The following RNF17 variants were observed in gnomAD, a reference collection of about 807,000 sequenced individuals.
RNF17 encodes ring finger protein 17.
In RNF17, 31 loss-of-function variants were observed where a neutral mutation model predicts 200.5. That is an observed-to-expected ratio of 0.15 (90% CI 0.12 to 0.21). RNF17 has a LOEUF of 0.21. Ranked by LOEUF, RNF17 falls within the 10% of genes least tolerant of loss-of-function variation. The pLI, the probability that RNF17 is intolerant of heterozygous loss-of-function variation, is 1.00. For missense variants in RNF17, 1,628 were observed against 1,905.1 expected, an observed-to-expected ratio of 0.85 and a Z score of 2.71; for synonymous variants, 606 against 637.8, an observed-to-expected ratio of 0.95 and a Z score of 0.75.
chr13:24,763,310 C>G (rs1433084357), upstream of RNF17, among the ~76,000 whole-genome samples: 3 of 150,970 alleles, frequency 2.0e-5, no homozygotes, highest in African/African-American at 7.3e-5. Flanking sequence ...TCACGCCATT[C>G]TCCTGCCTCA....
the RNF17 span, among the ~76,000 whole-genome samples, chr13:24,758,699 T>G: frequency 0.021 from 3,232 of 152,246 alleles, 130 homozygotes; most frequent in African/African-American, 0.073. Flanking sequence ...AAAAGGTTGA[T>G]TTTTGGAGCA....
At chr13:24,839,086 AT>A (rs201614692) in intron 18 of RNF17, among the ~76,000 whole-genome samples, 9 of 152,070 alleles carry the variant, frequency 5.9e-5, no homozygotes, top group Admixed American at 1.3e-4. Flanking sequence ...CTGCAAAAAA[AT>A]AAAATACTTA....
intron 2 of RNF17, among the ~76,000 whole-genome samples, chr13:24,772,393 G>C (rs1169207471): frequency 6.9e-6 from 1 of 145,396 alleles, no homozygotes; most frequent in Non-Finnish European, 1.5e-5. Flanking sequence ...AGGACATTCA[G>C]TCTTTCTCTC....
chr13:24,766,949 C>T (rs1196462830), intron 1 of RNF17, among the ~76,000 whole-genome samples: 2 of 152,214 alleles, frequency 1.3e-5, no homozygotes, highest in Non-Finnish European at 2.9e-5. Flanking sequence ...ATAAGTCAAC[C>T]ATTTCAAACT....
chr13:24,850,459 A>G lies in RNF17; in HGVS notation c.3204+16A>G, dbSNP rs766857500. ...GGATAGTGAGGTAACAAGTTACAAG[A>G]GATATGTGCTGATGATCTCATTAAT... On this transcript the variant is annotated intron_variant, in intron 23 of 35. Coordinates refer to ENST00000255324, the MANE Select transcript of RNF17 (RefSeq NM_031277.3). The G allele has an allele frequency of 7.5e-6, 11 of 1,459,026 alleles. No homozygotes were observed. The highest frequency in any genetic ancestry group is 1.2e-5 in the South Asian group (1 of 86,480). The allele number at this position is 1,459,026 out of a possible 1,614,324, so 90.4% of individuals were successfully genotyped here.
intron 26 of RNF17, among the ~76,000 whole-genome samples, chr13:24,860,759 G>A (rs1013911995): frequency 5.3e-5 from 8 of 151,984 alleles, no homozygotes; most frequent in Non-Finnish European, 1.0e-4. Context: ...AAGTCTGATG[G>A]GTTAAGTGTA....
chr13:24,764,501 T>G (rs1276001105), intron 1 of RNF17, 168 bp downstream of exon 1: 2 of 632,870 alleles, frequency 3.2e-6, no homozygotes, highest in South Asian at 1.4e-4. Context: ...AAGAGGGCAG[T>G]GCTTGGGTTG....
chr13:24,822,953 C>T (rs140010605), intron 15 of RNF17, among the ~76,000 whole-genome samples: 4 of 152,238 alleles, frequency 2.6e-5, no homozygotes, highest in Non-Finnish European at 5.9e-5. Flanking sequence ...TTCATACTTT[C>T]GTATGTTTTC....
chr13:24,791,506 G>A (rs969421509), intron 9 of RNF17, among the ~76,000 whole-genome samples: 2 of 152,148 alleles, frequency 1.3e-5, no homozygotes, highest in African/African-American at 4.8e-5. Context: ...AGAGAAATGT[G>A]TACAGCTTAA....
chr13:24,761,134 T>C (rs1207513767), upstream of RNF17, among the ~76,000 whole-genome samples: 5 of 152,238 alleles, frequency 3.3e-5, no homozygotes, highest in Non-Finnish European at 7.3e-5. Flanking sequence ...AATACGTCTA[T>C]TCAATAGATT....
chr13:24,879,140 A>G (rs1314569185), intron 34 of RNF17, 47 bp from the exon 35 acceptor site: 4 of 1,420,508 alleles, frequency 2.8e-6, no homozygotes, highest in African/African-American at 1.4e-5. Context: ...GGGAAAAGGC[A>G]GCAAAGACAT....
chr13:24,827,582 G>A (rs1270923174), intron 16 of RNF17, among the ~76,000 whole-genome samples: 1 of 150,308 alleles, frequency 6.7e-6, no homozygotes, highest in Non-Finnish European at 1.5e-5. Context: ...GGCGCCTGTA[G>A]TCCCAGCTAC....
chr13:24,822,423 G>T, intron 15 of RNF17, among the ~76,000 whole-genome samples: 1 of 151,268 alleles, frequency 6.6e-6, no homozygotes, highest in Admixed American at 6.6e-5. Context: ...TCTTTTTTTT[G>T]TTTTTGTTTT....
chr13:24,844,089 A>C (rs553741200), intron 20 of RNF17, 118 bp downstream of exon 20: 1 of 371,708 alleles, frequency 2.7e-6, no homozygotes, highest in Non-Finnish European at 4.6e-6. Context: ...ATTTTAACTA[A>C]GTAGTCTCAG....
chr13:24,771,486 G>T (rs1593210189), intron 2 of RNF17, among the ~76,000 whole-genome samples: 1 of 151,582 alleles, frequency 6.6e-6, no homozygotes, highest in African/African-American at 2.4e-5. Context: ...TTCCTAAGTT[G>T]TAAGAGTACT....
At chr13:24,760,774 T>C (rs143332784), upstream of RNF17, among the ~76,000 whole-genome samples, 1,437 of 152,104 alleles carry the variant, frequency 9.4e-3, 34 homozygotes, top group African/African-American at 0.032. Context: ...AACAACTCAG[T>C]AGGAAGAAAA....
the RNF17 span, among the ~76,000 whole-genome samples, chr13:24,749,307 C>CTTTTTTTTTTTTTTTT: frequency 4.3e-4 from 46 of 108,014 alleles, no homozygotes; most frequent in Non-Finnish European, 6.3e-4. Flanking sequence ...TTCTTTCTTT[C>CTTTTTTTTTTTTTTTT]TTTTTTTTTT....
chr13:24,842,402 C>T (rs997148402), intron 19 of RNF17, among the ~76,000 whole-genome samples: 1 of 152,154 alleles, frequency 6.6e-6, no homozygotes, highest in African/African-American at 2.4e-5. Flanking sequence ...CTTGAGAGTG[C>T]TTCTAAGGAA....
chr13:24,787,367 G>T (rs900026379), intron 6 of RNF17, among the ~76,000 whole-genome samples: 3 of 152,054 alleles, frequency 2.0e-5, no homozygotes, highest in Non-Finnish European at 4.4e-5. Flanking sequence ...CCTTTGAATG[G>T]GTCATGTTTT....
Sources: allele counts gnomAD v4.1 joint callset (sites outside exome capture counted in the v4.1 genomes callset), GRCh38; gene constraint gnomAD v4.1.1; transcripts MANE v1.5; gene names NCBI Gene and HGNC (gene_info 2026-07-23, HGNC 2026-07-21).